The following OPA1 variants were observed in gnomAD, a reference collection of about 807,000 sequenced individuals.
OPA1 encodes the protein OPA1 mitochondrial dynamin like GTPase.
A neutral mutation model predicts 152.9 loss-of-function variants in OPA1; 59 were observed. That is an observed-to-expected ratio of 0.39 (90% CI 0.31 to 0.48). The LOEUF (loss-of-function observed/expected upper bound fraction) is 0.48, where lower values mean the gene tolerates loss of function less well. Ranked by LOEUF, OPA1 falls within the 20% of genes least tolerant of loss-of-function variation. The probability of loss-of-function intolerance (pLI) is 0.96; values close to 1 mark genes in which losing one functional copy is unlikely to be tolerated. For missense variants in OPA1, 1,008 were observed against 1,216.8 expected, an observed-to-expected ratio of 0.83 and a Z score of 2.55; for synonymous variants, 400 against 389.9, an observed-to-expected ratio of 1.03 and a Z score of -0.31.
rs749368763 is a variant in OPA1, at chr3:193,647,197, A to G, written c.1870+17A>G. 3.8e-5 allele frequency: 58 copies of G among 1,536,478 alleles called. No homozygotes were observed. Among genetic ancestry groups the G allele is most frequent in the East Asian group, 3.4e-4 (15 of 44,198 alleles). On this transcript the variant is annotated intron_variant, in intron 19 of 30. Coordinates refer to ENST00000361510, the MANE Select transcript of OPA1 (RefSeq NM_130837.3). ...GTTTCAAAGGTAAGTTGGATTTTTT[A>G]AAGAAGCAAGCAAATTAAGACATTT...
intron 7 of OPA1, chr3:193,628,602 T>A (rs1419807139): frequency 1.3e-5 from 2 of 152,194 alleles, no homozygotes; most frequent in Admixed American, 1.3e-4. Context: ...ACCATTGATA[T>A]CCATTTCTGT....
intron 6 of OPA1, 57 bp from the exon 7 acceptor site, chr3:193,626,035 G>A (rs770604325): frequency 1.5e-6 from 2 of 1,332,470 alleles, no homozygotes; most frequent in Non-Finnish European, 2.2e-6. Flanking sequence ...TGCACCCTTG[G>A]TTTAACATTA....
chr3:193,656,584 A>C (rs1713872846), intron 22 of OPA1, among the ~76,000 whole-genome samples: 1 of 152,194 alleles, frequency 6.6e-6, no homozygotes, highest in South Asian at 2.1e-4. Flanking sequence ...AATCATTAAG[A>C]CATTTAAAAC....
chr3:193,593,335 C>T lies in OPA1; in HGVS notation c.-43C>T. The T allele has an allele frequency of 1.3e-6, 2 of 1,535,830 alleles. No individual in the cohort carries two copies. Among genetic ancestry groups the T allele is most frequent in the Non-Finnish European group, 1.8e-6 (2 of 1,139,722 alleles). On this transcript the variant is annotated 5_prime_UTR_variant, in exon 1 of 31. Coordinates refer to ENST00000361510, the MANE Select transcript of OPA1 (RefSeq NM_130837.3). ...GGGCTGGGGCTCACACGGGGGCTCC[C>T]GCGTGGCCGTCTCGGCGCCTGCGTG... is the stretch of plus-strand genomic sequence containing the variant.
intron 9 of OPA1, among the ~76,000 whole-genome samples, chr3:193,636,836 A>G (rs537639220): frequency 7.1e-6 from 1 of 140,546 alleles, no homozygotes; most frequent in Non-Finnish European, 1.5e-5. Context: ...TTTCATTGTC[A>G]GTTGGTTACC....
chr3:193,659,290 G>A (rs1714657375), intron 24 of OPA1, among the ~76,000 whole-genome samples, 192 bp from the exon 25 acceptor site: 1 of 152,040 alleles, frequency 6.6e-6, no homozygotes, highest in African/African-American at 2.4e-5. Context: ...TATACTTTTA[G>A]GTATCTTAAA....
chr3:193,608,686 T>G (rs916383018), intron 1 of OPA1, among the ~76,000 whole-genome samples: 1 of 152,188 alleles, frequency 6.6e-6, no homozygotes, highest in African/African-American at 2.4e-5. Context: ...TCTGTTGATT[T>G]GGGGTGGAGA....
rs530675626 is a variant in OPA1, at chr3:193,686,096, A to G, written c.2984-5967A>G. Reference sequence around the variant, plus strand: ...TTTCATTATTAATCCCATGAAGTCCATGTTACAGAAGATTTTGTCTACAAC... The same window carrying G: ...TTTCATTATTAATCCCATGAAGTCCGTGTTACAGAAGATTTTGTCTACAAC... On this transcript the variant is annotated intron_variant, in intron 29 of 30. Transcript: ENST00000361510. 6.6e-5 allele frequency among the ~76,000 whole-genome samples: 10 copies of G among 152,348 alleles called. No individual in the cohort carries two copies. In the East Asian group the frequency reaches 1.9e-3, roughly 29 times the overall value.
chr3:193,656,202 T>C (rs922427578), intron 22 of OPA1, among the ~76,000 whole-genome samples: 1 of 152,164 alleles, frequency 6.6e-6, no homozygotes, highest in Non-Finnish European at 1.5e-5. Context: ...GTGGAAGTGG[T>C]TATGAAAGCA....
chr3:193,600,324 T>C (rs1255058659), intron 1 of OPA1, among the ~76,000 whole-genome samples: 3 of 152,188 alleles, frequency 2.0e-5, no homozygotes, highest in African/African-American at 7.2e-5. Context: ...TTCTTTGGTG[T>C]TAATAGGGAA....
At chr3:193,675,894 T>C (rs1298542525) in intron 29 of OPA1, among the ~76,000 whole-genome samples, 2 of 152,184 alleles carry the variant, frequency 1.3e-5, no homozygotes, top group African/African-American at 4.8e-5. Context: ...ACTTAAAAAG[T>C]TGGGGGGAAC....
At chr3:193,633,678 A>G (rs1025544643) in intron 8 of OPA1, among the ~76,000 whole-genome samples, 3 of 152,232 alleles carry the variant, frequency 2.0e-5, no homozygotes, top group African/African-American at 7.2e-5. Context: ...TTAATAATAT[A>G]TTTAACCCAG....
chr3:193,602,288 G>A (rs1206100115), intron 1 of OPA1, among the ~76,000 whole-genome samples: 1 of 152,162 alleles, frequency 6.6e-6, no homozygotes, highest in Non-Finnish European at 1.5e-5. Context: ...TCTGCACTGT[G>A]GGTGGTAAGA....
In OPA1 at chr3:193,695,338, C is replaced by T. The variant is rs887063449; in HGVS notation, c.*738C>T. On this transcript the variant is annotated 3_prime_UTR_variant, in exon 31 of 31. Transcript: ENST00000361510. Reference sequence around the variant, plus strand: ...ATTTATTTTAGATGTTGTATACTTACGTTAGGCTTTCTGTTAATAGTGGTT... The same window carrying T: ...ATTTATTTTAGATGTTGTATACTTATGTTAGGCTTTCTGTTAATAGTGGTT... 1 of 152,106 alleles carries T rather than the reference C, an allele frequency of 6.6e-6. No homozygotes were observed. The highest frequency in any genetic ancestry group is 1.5e-5 in the Non-Finnish European group (1 of 67,994). The allele number at this position is 152,106 out of a possible 1,614,324, so 9.4% of individuals were successfully genotyped here. A position where few individuals can be genotyped will look rare whatever the true frequency, so the allele number is the denominator to read the frequency against.
chr3:193,597,626 G>A (rs1301013893), intron 1 of OPA1, among the ~76,000 whole-genome samples: 3 of 151,226 alleles, frequency 2.0e-5, no homozygotes, highest in Admixed American at 6.6e-5. Flanking sequence ...CAGAGGCGGA[G>A]GTTGCAGTGA....
At chr3:193,686,759 T>A (rs1023803257) in intron 29 of OPA1, among the ~76,000 whole-genome samples, 3 of 152,204 alleles carry the variant, frequency 2.0e-5, no homozygotes, top group African/African-American at 7.2e-5. Context: ...AGTACTCTAG[T>A]GAATAGCTTT....
chr3:193,647,703 C>T (rs1046643842), intron 19 of OPA1, among the ~76,000 whole-genome samples: 1 of 152,286 alleles, frequency 6.6e-6, no homozygotes, highest in Admixed American at 6.5e-5. Flanking sequence ...GAAGAGGAAA[C>T]AGAAGACAGT....
intron 1 of OPA1, among the ~76,000 whole-genome samples, chr3:193,594,668 G>T (rs867117175): frequency 6.6e-6 from 1 of 152,290 alleles, no homozygotes; most frequent in Admixed American, 6.5e-5. Flanking sequence ...GATTACAACC[G>T]TGAGCCACCG....
intron 29 of OPA1, among the ~76,000 whole-genome samples, chr3:193,670,344 T>C (rs1052127020): frequency 1.3e-5 from 2 of 152,028 alleles, no homozygotes; most frequent in African/African-American, 4.8e-5. Flanking sequence ...TTTAAGCTTG[T>C]ACGATTTTAA....
Sources: allele counts gnomAD v4.1 joint callset (sites outside exome capture counted in the v4.1 genomes callset), GRCh38; gene constraint gnomAD v4.1.1; transcripts MANE v1.5; gene names NCBI Gene and HGNC (gene_info 2026-07-23, HGNC 2026-07-21).